Variants in CLCA1 observed in about 807,000 individuals in gnomAD.
The protein encoded by CLCA1 is calcium-activated chloride channel regulator 1.
CLCA1 carries 59 observed loss-of-function variants against 85.6 expected under a neutral mutation model. The ratio of observed to expected loss-of-function variants is 0.69; its 90% CI spans 0.56 to 0.86. CLCA1 has a LOEUF of 0.86. CLCA1 is among the 40% of genes least tolerant of loss of function. The pLI is 0.00. For missense variants in CLCA1, 1,022 were observed against 1,101.4 expected (o/e 0.93, Z 1.02); for synonymous variants, 396 against 398.3 (o/e 0.99, Z 0.07).
intron 11 of CLCA1, 122 bp downstream of exon 11, chr1:86,494,570 G>A: frequency 1.0e-6 from 1 of 988,926 alleles, no homozygotes; most frequent in South Asian, 1.6e-5. Flanking sequence ...ACTGAGGTCT[G>A]GTTGGGAGAG....
In CLCA1 at chr1:86,488,979, C is replaced by T. The variant is rs764706183; in HGVS notation, c.1183-17C>T. ...CACCCTAAGTCTGATAACTCGTGCC[C>T]TAAATTCTGTCCTTAGGTGATTAGG... On this transcript the variant is annotated splice_polypyrimidine_tract_variant and intron_variant, in intron 7 of 13. Transcript: ENST00000394711. 7.5e-6 allele frequency: 12 copies of T among 1,609,196 alleles called. No individual in the cohort carries two copies. In the Admixed American group the frequency reaches 1.0e-4, roughly 13 times the overall value.
In CLCA1 at chr1:86,482,434, G is replaced by A. The variant is rs1299220808; in HGVS notation, c.735+52G>A. ...CCCAGATTCTTATGAATTTAGTGAG[G>A]CTTTTACTCCAAGTGCTCCAAGGGA... is the stretch of plus-strand genomic sequence containing the variant. On this transcript the variant is annotated intron_variant, in intron 5 of 13. Coordinates refer to ENST00000394711, the MANE Select transcript of CLCA1 (RefSeq NM_001285.4). 5.2e-6 allele frequency: 8 copies of A among 1,528,844 alleles called. No homozygotes were observed. In the African/African-American group the frequency reaches 5.5e-5, roughly 10 times the overall value. 94.7% of individuals were successfully genotyped at this position (1,528,844 alleles called of 1,614,324 possible).
rs1464751751 is a variant in CLCA1 at position 86,469,219 on chromosome 1, C to A, written c.162+86C>A. 7.0e-6 allele frequency: 6 copies of A among 860,456 alleles called. No individual in the cohort carries two copies. In the East Asian group the frequency reaches 1.4e-4, roughly 20 times the overall value. 53.3% of individuals were successfully genotyped at this position (860,456 alleles called of 1,614,324 possible). On this transcript the variant is annotated intron_variant, in intron 1 of 13. Coordinates refer to ENST00000394711, the MANE Select transcript of CLCA1 (RefSeq NM_001285.4). ...ACATGAGTGCCCTATTCCAGCTGCACGACACTGGCATGTATTTTTATGTCT... is the reference window on the plus strand; with the variant it reads ...ACATGAGTGCCCTATTCCAGCTGCAAGACACTGGCATGTATTTTTATGTCT...
chr1:86,472,786 G>A (rs1325505233), intron 1 of CLCA1, among the ~76,000 whole-genome samples: 1 of 152,022 alleles, frequency 6.6e-6, no homozygotes, highest in Non-Finnish European at 1.5e-5. Context: ...AAAGAAAAAT[G>A]AATCAATAAA....
At chr1:86,475,021 A>G (rs1647605591) in intron 3 of CLCA1, among the ~76,000 whole-genome samples, 1 of 152,146 alleles carries the variant, frequency 6.6e-6, no homozygotes, top group African/African-American at 2.4e-5. Flanking sequence ...GGTCAAAAGG[A>G]TGTGTCAAGC....
intron 10 of CLCA1, 70 bp from the exon 11 acceptor site, chr1:86,494,117 C>G (rs544802529): frequency 1.2e-5 from 19 of 1,549,292 alleles, no homozygotes; most frequent in Admixed American, 8.6e-5. Context: ...TTTTCCCGTA[C>G]GTGACATTGA....
intron 8 of CLCA1, among the ~76,000 whole-genome samples, chr1:86,489,393 C>T (rs1465399983): frequency 6.6e-6 from 1 of 152,194 alleles, no homozygotes; most frequent in Non-Finnish European, 1.5e-5. Flanking sequence ...GGAACTAGCA[C>T]AGCACTCTAG....
At chr1:86,473,697 T>C in intron 2 of CLCA1, 32 bp from the exon 3 acceptor site, 3 of 1,550,974 alleles carry the variant, frequency 1.9e-6, no homozygotes, top group Non-Finnish European at 2.6e-6. Context: ...GCTGAAACTT[T>C]GTGATGATAG....
Position 86,473,678 on chromosome 1 carries a change from A to C in CLCA1, c.304-51A>C, listed in dbSNP as rs187409667. 4.6e-6 allele frequency: 7 copies of C among 1,515,984 alleles called. No individual in the cohort carries two copies. In the East Asian group the frequency reaches 1.6e-4, roughly 35 times the overall value. 93.9% of individuals were successfully genotyped at this position (1,515,984 alleles called of 1,614,324 possible). A position where few individuals can be genotyped will look rare whatever the true frequency, so the allele number is the denominator to read the frequency against. On this transcript the variant is annotated intron_variant, in intron 2 of 13. Transcript: ENST00000394711. ...AACTTACTCCAGTACGAATATGGTT[A>C]ATTCATTTGCTGAAACTTTGTGATG...
intron 3 of CLCA1, among the ~76,000 whole-genome samples, chr1:86,475,877 G>A (rs1353830719): frequency 6.6e-6 from 1 of 152,164 alleles, no homozygotes; most frequent in Non-Finnish European, 1.5e-5. Context: ...TGTACACCAT[G>A]TTGAGAAGTT....
chr1:86,485,661 C>T, intron 6 of CLCA1, 100 bp downstream of exon 6: 1 of 1,026,332 alleles, frequency 9.7e-7, no homozygotes. Flanking sequence ...ACCCGAGGGC[C>T]AGAATAGTTA....
intron 7 of CLCA1, among the ~76,000 whole-genome samples, chr1:86,487,011 C>T (rs990570746): frequency 6.6e-6 from 1 of 152,188 alleles, no homozygotes; most frequent in African/African-American, 2.4e-5. Flanking sequence ...GGGCACATCA[C>T]ACTCAATAGT....
rs375577694 is a variant in CLCA1, at chr1:86,468,934, A to G, written c.-38A>G. On this transcript the variant is annotated 5_prime_UTR_variant, in exon 1 of 14. Coordinates refer to ENST00000394711, the MANE Select transcript of CLCA1 (RefSeq NM_001285.4). ...AAAGAAAGACACCTTCGTAACCCGC[A>G]TTTTCCAAAGAGAGAAATCACAGGG... 13 of 1,555,776 alleles carry G rather than the reference A, an allele frequency of 8.4e-6. No individual in the cohort carries two copies. The African/African-American group carries it at 1.5e-4, about 18-fold the overall frequency.
intron 3 of CLCA1, among the ~76,000 whole-genome samples, chr1:86,474,851 C>T (rs1016049219): frequency 9.9e-5 from 15 of 152,168 alleles, no homozygotes; most frequent in Admixed American, 3.9e-4. Context: ...AAATGTGACT[C>T]TTTACTAAAT....
intron 11 of CLCA1, among the ~76,000 whole-genome samples, chr1:86,494,827 AT>A (rs1170340397): frequency 6.6e-6 from 1 of 152,234 alleles, no homozygotes; most frequent in Non-Finnish European, 1.5e-5. Context: ...AAATACATAT[AT>A]ACAAAGATGT....
In CLCA1 at chr1:86,498,811, G is replaced by A; in HGVS notation, c.2353G>A (p.Ala785Thr). The change falls in exon 13 of 14, where the codon GCT (alanine) becomes ACT (threonine). Residue 785 changes from alanine to threonine, a missense_variant and splice_region_variant. By Grantham distance (58) the Ala-to-Thr change is moderately conservative. Transcript: ENST00000394711. ...APGDDYDHGT[A>T]HKYIIRISTS... Reference sequence around the variant, plus strand: ...TGGGGATGATTATGACCATGGAACAGGTAAGCTGAACCTGGTGTGGACCCT... The same window carrying A: ...TGGGGATGATTATGACCATGGAACAAGTAAGCTGAACCTGGTGTGGACCCT... The A allele has an allele frequency of 1.2e-6, 2 of 1,613,020 alleles. No individual in the cohort carries two copies. Among genetic ancestry groups the A allele is most frequent in the Non-Finnish European group, 1.7e-6 (2 of 1,179,222 alleles).
intron 1 of CLCA1, among the ~76,000 whole-genome samples, chr1:86,470,844 G>A (rs924796014): frequency 1.5e-4 from 23 of 152,086 alleles, no homozygotes; most frequent in Non-Finnish European, 3.1e-4. Context: ...TTGCTGATGA[G>A]AGACTCTCCC....
chr1:86,491,494 G>A (rs548321184), intron 9 of CLCA1, 123 bp downstream of exon 9: 1 of 593,338 alleles, frequency 1.7e-6, no homozygotes, highest in East Asian at 2.8e-5. Flanking sequence ...GAAAATAGAA[G>A]GTCCAGCTTG....
At position 86,473,785 on chromosome 1, in the gene CLCA1, GC is replaced by G; in HGVS notation, c.361del (p.Gln121ArgfsTer24). The stretch of plus-strand genomic sequence containing the variant: ...CAGGTAATGATGAACCCTACACTGA[GC>G]AGATGGGCAACTGTGGAGAGAAGGG... ...PPGNDEPYTE[Q>X]MGNCGEKGER... On this transcript the variant is annotated frameshift_variant, in exon 3 of 14. Transcript: ENST00000394711. LOFTEE classifies it high-confidence loss of function. 6.2e-7 allele frequency: 1 copy of G among 1,612,662 alleles called. No homozygotes were observed. Among genetic ancestry groups the G allele is most frequent in the Non-Finnish European group, 8.5e-7 (1 of 1,179,030 alleles).
Sources: gnomAD v4.1 joint callset for allele counts (sites outside exome capture counted in the v4.1 genomes callset) on GRCh38, gnomAD v4.1.1 for gene constraint, MANE v1.5 for transcripts, NCBI Gene and HGNC (gene_info 2026-07-23, HGNC 2026-07-21) for gene names.